PIWIL4: variants seen among roughly 807,000 people sequenced by gnomAD.
PIWIL4 encodes the protein piwi-like protein 4.
A neutral mutation model predicts 100.9 loss-of-function variants in PIWIL4; 50 were observed. That is an observed-to-expected ratio of 0.50 (90% CI 0.39 to 0.63). The LOEUF is 0.63. Ranked by LOEUF, PIWIL4 falls within the 20% of genes least tolerant of loss-of-function variation. PIWIL4 has a pLI of 0.00. For synonymous variants in PIWIL4, 342 were observed against 367.5 expected, an observed-to-expected ratio of 0.93 and a Z score of 0.79; for missense variants, 887 against 1,043.3, an observed-to-expected ratio of 0.85 and a Z score of 2.06.
At chr11:94,572,188 G>C (rs972056426) in intron 2 of PIWIL4, among the ~76,000 whole-genome samples, 14 of 152,162 alleles carry the variant, frequency 9.2e-5, no homozygotes, top group African/African-American at 3.4e-4. Flanking sequence ...CTGGATAGTA[G>C]CCCTTTGTCA....
intron 6 of PIWIL4, among the ~76,000 whole-genome samples, chr11:94,586,307 C>T (rs7120587): frequency 0.36 from 54,281 of 151,706 alleles, 10,681 homozygotes; most frequent in African/African-American, 0.53. Context: ...ATGCCTGTCC[C>T]GGAGGCTGGC....
At chr11:94,586,651 C>G (rs781044132) in intron 6 of PIWIL4, among the ~76,000 whole-genome samples, 4 of 152,166 alleles carry the variant, frequency 2.6e-5, no homozygotes, top group Non-Finnish European at 5.9e-5. Flanking sequence ...CATTTCCCCC[C>G]CCTCTTCAGG....
At chr11:94,579,887 T>C (rs1948290011) in intron 4 of PIWIL4, among the ~76,000 whole-genome samples, 1 of 152,244 alleles carries the variant, frequency 6.6e-6, no homozygotes, top group Non-Finnish European at 1.5e-5. Context: ...AAAAATGTTC[T>C]TGTAGATACA....
intron 2 of PIWIL4, 32 bp from the exon 3 acceptor site, chr11:94,574,967 T>C (rs1948217766): frequency 6.3e-7 from 1 of 1,598,710 alleles, no homozygotes; most frequent in Non-Finnish European, 8.6e-7. Flanking sequence ...GAATGAAATA[T>C]TAGCTGTTAC....
At chr11:94,586,328 A>G (rs1399585144) in intron 6 of PIWIL4, among the ~76,000 whole-genome samples, 2 of 152,074 alleles carry the variant, frequency 1.3e-5, no homozygotes, top group Admixed American at 6.5e-5. Flanking sequence ...TTAGTATCAC[A>G]GTGTCTACTT....
At chr11:94,570,846 T>G (rs890056719) in intron 2 of PIWIL4, among the ~76,000 whole-genome samples, 1 of 152,136 alleles carries the variant, frequency 6.6e-6, no homozygotes, top group Non-Finnish European at 1.5e-5. Flanking sequence ...AAACCGAGAT[T>G]GCGCCCTTGC....
chr11:94,604,068 A>G lies in PIWIL4; in HGVS notation c.1638+12A>G, dbSNP rs368928037. 26 of 1,553,788 alleles carry G rather than the reference A, an allele frequency of 1.7e-5. No individual in the cohort carries two copies. The African/African-American group carries it at 3.4e-4, about 21-fold the overall frequency. On this transcript the variant is annotated intron_variant, in intron 13 of 19. Transcript: ENST00000299001. ...CTGATGTTCAGCTGGTAAGTACAGG[A>G]TACTTTTTGAACTCCTTTAATCTAT...
At chr11:94,580,890 CTTT>C (rs956802836) in intron 4 of PIWIL4, among the ~76,000 whole-genome samples, 4 of 78,936 alleles carry the variant, frequency 5.1e-5, no homozygotes, top group African/African-American at 1.6e-4. Flanking sequence ...CTCTGCCAGG[CTTT>C]TTTTTTTTTT....
intron 8 of PIWIL4, among the ~76,000 whole-genome samples, chr11:94,592,201 C>T (rs1272496729): frequency 6.6e-6 from 1 of 152,320 alleles, no homozygotes; most frequent in South Asian, 2.1e-4. Flanking sequence ...ACAGATCAAT[C>T]CTAGCTGTGC....
rs1314099516 is a variant in PIWIL4, at chr11:94,587,051, T to C, written c.718T>C (p.Leu240=). 8 of 1,606,164 alleles carry C rather than the reference T, an allele frequency of 5.0e-6. No individual in the cohort carries two copies. The highest frequency in any genetic ancestry group is 6.8e-6 in the Non-Finnish European group (8 of 1,173,634). ...TTTTTTTCTTTTTTGTTTTTAAAGA[T>C]TATCCCTTTGGCCTGGGTTTGCCAT... ...SEPMEIPQHK[L]SLWPGFAISV... Residue 240 remains leucine (L), a splice_region_variant and synonymous_variant, in exon 7 of 20, where the codon TTA becomes CTA. Coordinates refer to ENST00000299001, the MANE Select transcript of PIWIL4 (RefSeq NM_152431.3).
intron 1 of PIWIL4, 67 bp downstream of exon 1, chr11:94,567,672 C>T: frequency 6.9e-7 from 1 of 1,453,506 alleles, no homozygotes; most frequent in South Asian, 1.4e-5. Flanking sequence ...TGAACAATGC[C>T]TTCCTCTGCA....
intron 2 of PIWIL4, among the ~76,000 whole-genome samples, chr11:94,572,375 C>T (rs993924838): frequency 1.3e-5 from 2 of 152,176 alleles, no homozygotes; most frequent in African/African-American, 4.8e-5. Context: ...TGCCTATGTC[C>T]TGAATGGTAT....
chr11:94,570,243 A>G (rs1948132454), intron 2 of PIWIL4, among the ~76,000 whole-genome samples: 2 of 152,162 alleles, frequency 1.3e-5, no homozygotes, highest in Admixed American at 1.3e-4. Flanking sequence ...ACAAAGTAGT[A>G]CTAAGTAGGA....
intron 11 of PIWIL4, among the ~76,000 whole-genome samples, chr11:94,600,933 A>T (rs981842679): frequency 3.3e-5 from 5 of 152,008 alleles, no homozygotes; most frequent in Non-Finnish European, 5.9e-5. Context: ...GTTTAAGATT[A>T]TCTCTCTTTT....
At chr11:94,583,683 G>A (rs1017179989) in intron 5 of PIWIL4, 114 bp downstream of exon 5, 49 of 1,394,934 alleles carry the variant, frequency 3.5e-5, no homozygotes, top group South Asian at 5.1e-5. Context: ...TGATGCCACC[G>A]TTAGGGCAAT....
Position 94,618,005 on chromosome 11 carries a change from T to C in PIWIL4, c.2066T>C (p.Ile689Thr), listed in dbSNP as rs1693209309. The change falls in exon 17 of 20, where the codon ATT becomes ACT. Residue 689 changes from isoleucine to threonine, a missense_variant. Around this residue, in one of 2 missense-constraint regions of PIWIL4, gnomAD observed 741 missense variants for 930.0 expected, o/e 0.80. Transcript: ENST00000299001. Reference protein sequence around the residue: ...KYNHDLPARIIVYRAGVGDGQ... With the variant: ...KYNHDLPARITVYRAGVGDGQ... ...AATCATGATTTGCCAGCACGGATAA[T>C]TGTGTACCGTGCTGGTGTAGGGGAT... The C allele has an allele frequency of 6.2e-7, 1 of 1,613,356 alleles. No homozygotes were observed. The highest frequency in any genetic ancestry group is 1.1e-5 in the South Asian group (1 of 91,004).
chr11:94,616,676 TG>T, intron 16 of PIWIL4, 113 bp downstream of exon 16: 1 of 744,038 alleles, frequency 1.3e-6, no homozygotes, highest in Middle Eastern at 2.4e-4. Context: ...CACCTGTCTT[TG>T]TCAACTGTCA....
chr11:94,608,116 T>C (rs1174935462), intron 14 of PIWIL4: 1 of 177,120 alleles, frequency 5.6e-6, no homozygotes, highest in Non-Finnish European at 1.2e-5. Context: ...GTTGCCCATT[T>C]CCTTACATGT....
chr11:94,590,357 C>T lies in PIWIL4; in HGVS notation c.1026+1125C>T, dbSNP rs541577302. 2.0e-4 allele frequency among the ~76,000 whole-genome samples: 30 copies of T among 152,336 alleles called. No individual in the cohort carries two copies. The East Asian group carries it at 4.0e-3, about 21-fold the overall frequency. On this transcript the variant is annotated intron_variant, in intron 8 of 19. Transcript: ENST00000299001. ...TCTTCCTTCCTTGACTCCTGGGACA[C>T]ATCCCTGCGGTTCTCTGCTACTTTC...
Sources: gnomAD v4.1 joint callset for allele counts (sites outside exome capture counted in the v4.1 genomes callset) on GRCh38, gnomAD v4.1.1 for gene constraint, gnomAD v4.1.1 regional missense constraint, MANE v1.5 for transcripts, NCBI Gene and HGNC (gene_info 2026-07-23, HGNC 2026-07-21) for gene names.